Variants in FAF1 observed in about 807,000 individuals in gnomAD.
FAF1 encodes FAS-associated factor 1.
A neutral mutation model predicts 92.5 loss-of-function variants in FAF1; 25 were observed. The observed-to-expected ratio is 0.27, with a 90% CI of 0.20 to 0.38. The LOEUF (loss-of-function observed/expected upper bound fraction) is 0.38, where lower values mean the gene tolerates loss of function less well. Ranked by LOEUF, FAF1 falls within the 10% of genes least tolerant of loss-of-function variation. The pLI, the probability that FAF1 is intolerant of heterozygous loss-of-function variation, is 1.00. For synonymous variants in FAF1, 234 were observed against 273.2 expected (o/e 0.86, Z 1.42); for missense variants, 636 against 793.3 (o/e 0.80, Z 2.38).
chr1:50,490,712 T>C lies in FAF1; in HGVS notation c.1576-47A>G, dbSNP rs755236296. 3.6e-6 allele frequency: 4 copies of C among 1,124,486 alleles called. No homozygotes were observed. The African/African-American group carries it at 6.2e-5, about 17-fold the overall frequency. 69.7% of individuals were successfully genotyped at this position (1,124,486 alleles called of 1,614,324 possible). On this transcript the variant is annotated intron_variant, in intron 16 of 18. Coordinates refer to ENST00000396153, the MANE Select transcript of FAF1 (RefSeq NM_007051.3). ...AACAAGCACTTAACACATACTTGTT[T>C]ACAAAGAAAGAGAGAAATAAGGAAA...
chr1:50,804,293 C>G (rs748948644), intron 2 of FAF1, among the ~76,000 whole-genome samples: 11 of 152,246 alleles, frequency 7.2e-5, no homozygotes, highest in East Asian at 1.9e-4. Context: ...TTCAAGAAAG[C>G]AACATCTGCT....
chr1:50,785,291 T>A (rs1413317796), intron 4 of FAF1, among the ~76,000 whole-genome samples: 1 of 151,772 alleles, frequency 6.6e-6, no homozygotes, highest in South Asian at 2.1e-4. Flanking sequence ...TGGGACTTTA[T>A]CAAATTAAAA....
At chr1:50,458,768 A>T (rs1285648942) in intron 18 of FAF1, among the ~76,000 whole-genome samples, 1 of 152,212 alleles carries the variant, frequency 6.6e-6, no homozygotes, top group Non-Finnish European at 1.5e-5. Flanking sequence ...AGCATTTACT[A>T]TGCTAGTGCT....
chr1:50,866,106 T>C (rs1015743238), intron 1 of FAF1, among the ~76,000 whole-genome samples: 2 of 152,156 alleles, frequency 1.3e-5, no homozygotes, highest in African/African-American at 2.4e-5. Context: ...CATCACATGA[T>C]AATCTCAATA....
At chr1:50,691,053 G>A (rs1337608827) in intron 7 of FAF1, among the ~76,000 whole-genome samples, 2 of 152,194 alleles carry the variant, frequency 1.3e-5, no homozygotes, top group Non-Finnish European at 1.5e-5. Context: ...ATTTTTGTGT[G>A]GATGCATGTT....
chr1:50,802,893 C>G (rs1289776893), intron 2 of FAF1, among the ~76,000 whole-genome samples: 1 of 152,186 alleles, frequency 6.6e-6, no homozygotes, highest in African/African-American at 2.4e-5. Flanking sequence ...GAAATACTAA[C>G]TTAAGTATTT....
At chr1:50,702,217 C>T (rs1336589794) in intron 7 of FAF1, among the ~76,000 whole-genome samples, 4 of 152,046 alleles carry the variant, frequency 2.6e-5, no homozygotes, top group African/African-American at 7.2e-5. Flanking sequence ...GAAAGCAAAT[C>T]AATCTTTTTT....
intron 7 of FAF1, among the ~76,000 whole-genome samples, chr1:50,670,550 C>T (rs1487476887): frequency 6.6e-6 from 1 of 152,030 alleles, no homozygotes; most frequent in Non-Finnish European, 1.5e-5. Context: ...CATTATAGTC[C>T]TTGAACTATA....
chr1:50,483,311 A>G (rs1006436041), intron 17 of FAF1, among the ~76,000 whole-genome samples: 9 of 152,032 alleles, frequency 5.9e-5, no homozygotes, highest in African/African-American at 2.2e-4. Flanking sequence ...TCAATTGACC[A>G]TATATGTGTG....
intron 2 of FAF1, among the ~76,000 whole-genome samples, chr1:50,806,642 G>C (rs746656593): frequency 1.6e-4 from 24 of 152,190 alleles, no homozygotes; most frequent in Non-Finnish European, 2.1e-4. Flanking sequence ...CATGGCCAGA[G>C]GATTGGGAAC....
chr1:50,602,605 C>T lies in FAF1; in HGVS notation c.745-6389G>A, dbSNP rs137930193. Among the ~76,000 whole-genome samples, 67 of 150,288 alleles carry T rather than the reference C, an allele frequency of 4.5e-4. No homozygotes were observed. The East Asian group carries it at 4.7e-3, about 11-fold the overall frequency. On this transcript the variant is annotated intron_variant, in intron 8 of 18. Transcript: ENST00000396153. ...GCAACCTCCGTCTCCCAGGTTCAAA[C>T]GATTCTCCTGCCTCAGCCTCCTGAG... is the stretch of plus-strand genomic sequence containing the variant.
intron 18 of FAF1, among the ~76,000 whole-genome samples, chr1:50,452,448 C>T (rs978671711): frequency 6.6e-6 from 1 of 152,148 alleles, no homozygotes; most frequent in Non-Finnish European, 1.5e-5. Flanking sequence ...TCTGAGCAGC[C>T]TAGTATGGTT....
intron 14 of FAF1, 66 bp downstream of exon 14, chr1:50,539,526 G>A (rs1340086442): frequency 9.0e-7 from 1 of 1,105,398 alleles, no homozygotes; most frequent in Middle Eastern, 2.9e-4. Context: ...TGTCAGCTTG[G>A]GTGGAAAAAC....
In FAF1 at chr1:50,654,009, G is replaced by A. The variant is rs147204850; in HGVS notation, c.744+1433C>T. Among the ~76,000 whole-genome samples the A allele has an allele frequency of 7.4e-3, 1,123 of 152,260 alleles. 12 individuals carry two copies. Among genetic ancestry groups the A allele is most frequent in the African/African-American group, 0.026 (1,071 of 41,562 alleles). On this transcript the variant is annotated intron_variant, in intron 8 of 18. Transcript: ENST00000396153. ...CTATTTTCTGATTATTAAAGTTTCT[G>A]ATTTTTAAAATTTCATAATCCACAA...
At chr1:50,905,740 G>C (rs977046276) in intron 1 of FAF1, among the ~76,000 whole-genome samples, 2 of 152,178 alleles carry the variant, frequency 1.3e-5, no homozygotes, top group Middle Eastern at 3.4e-3. Flanking sequence ...ATTTTTTCTT[G>C]TAAATATGTT....
chr1:50,871,213 CAAGG>C (rs1210237807), intron 1 of FAF1, among the ~76,000 whole-genome samples: 1 of 152,134 alleles, frequency 6.6e-6, no homozygotes, highest in African/African-American at 2.4e-5. Flanking sequence ...TCAAGAAGTT[CAAGG>C]AAGGAAGTCA....
At chr1:50,576,181 G>A (rs1031483605) in intron 12 of FAF1, among the ~76,000 whole-genome samples, 20 of 152,246 alleles carry the variant, frequency 1.3e-4, no homozygotes, top group African/African-American at 4.3e-4. Context: ...ACAGTGCTGG[G>A]TGCATTTATG....
At chr1:50,819,438 G>A (rs954666266) in intron 2 of FAF1, among the ~76,000 whole-genome samples, 2 of 149,162 alleles carry the variant, frequency 1.3e-5, no homozygotes, top group Admixed American at 1.4e-4. Flanking sequence ...AATACAGCAA[G>A]ACTCTGTCTG....
chr1:50,836,951 C>CTTT (rs528322924), intron 2 of FAF1, among the ~76,000 whole-genome samples: 1,612 of 76,714 alleles, frequency 0.021, 56 homozygotes, highest in African/African-American at 0.032. Flanking sequence ...TGTTATGTTT[C>CTTT]TTTTTTTTTT....
Sources: gnomAD v4.1 joint callset for allele counts (sites outside exome capture counted in the v4.1 genomes callset) on GRCh38, gnomAD v4.1.1 for gene constraint, MANE v1.5 for transcripts, NCBI Gene and HGNC (gene_info 2026-07-23, HGNC 2026-07-21) for gene names.